Variants in PTK2 observed in about 807,000 individuals in gnomAD.
PTK2 encodes the protein focal adhesion kinase 1.
In PTK2, 45 loss-of-function variants were observed where a neutral mutation model predicts 150.1. The ratio of observed to expected loss-of-function variants is 0.30; its 90% CI spans 0.24 to 0.38. PTK2 has a LOEUF of 0.38. Ranked by LOEUF, PTK2 falls within the 10% of genes least tolerant of loss-of-function variation. The pLI is 1.00. For synonymous variants in PTK2, 432 were observed against 449.2 expected, an observed-to-expected ratio of 0.96 and a Z score of 0.48; for missense variants, 919 against 1,307.3, an observed-to-expected ratio of 0.70 and a Z score of 4.58.
At chr8:140,747,047 C>T (rs371289956) in intron 17 of PTK2, 187 bp from the exon 21 acceptor site, 16 of 492,234 alleles carry the variant, frequency 3.3e-5, no homozygotes, top group African/African-American at 2.0e-4. Flanking sequence ...CCCACCACCA[C>T]GCCCGGCTAA....
At chr8:140,725,993 A>T (rs1168477572) in intron 22 of PTK2, among the ~76,000 whole-genome samples, 1 of 152,214 alleles carries the variant, frequency 6.6e-6, no homozygotes, top group Non-Finnish European at 1.5e-5. Flanking sequence ...AAATTTATTC[A>T]TAATGGATGA....
chr8:140,789,433 A>G (rs767491803), intron 14 of PTK2, 41 bp downstream of exon 14: 2 of 1,601,734 alleles, frequency 1.2e-6, no homozygotes, highest in East Asian at 2.2e-5. Context: ...GTCTTACCCC[A>G]TGAGAGTGCT....
chr8:140,728,935 G>T lies in PTK2; in HGVS notation c.2030+6316C>A, dbSNP rs116025860. Among the ~76,000 whole-genome samples the T allele has an allele frequency of 4.5e-3, 683 of 152,226 alleles. 4 individuals carry two copies. Among genetic ancestry groups the T allele is most frequent in the African/African-American group, 0.016 (646 of 41,544 alleles). On this transcript the variant is annotated intron_variant, in intron 22 of 31. Coordinates refer to ENST00000522684, the Ensembl canonical transcript of PTK2. ...TCTTTTAAACATTCTTTGAAAAATT[G>T]ATACACGCACACATGTCCATTTACT...
intron 2 of PTK2, among the ~76,000 whole-genome samples, chr8:140,906,576 T>C (rs1038468218): frequency 2.6e-5 from 4 of 152,086 alleles, no homozygotes; most frequent in Admixed American, 2.6e-4. Context: ...AAGACAAATA[T>C]GGCATGTTCT....
chr8:140,951,710 C>A (rs1433006067), intron 1 of PTK2, among the ~76,000 whole-genome samples: 3 of 151,954 alleles, frequency 2.0e-5, no homozygotes, highest in Admixed American at 2.0e-4. Context: ...AAGGAAGATT[C>A]ATCTCTACAA....
intron 16 of PTK2, among the ~76,000 whole-genome samples, chr8:140,759,530 T>TAAAAAAAAAAAAAAAAAAAA (rs761643170): frequency 6.9e-5 from 4 of 58,038 alleles, no homozygotes; most frequent in Non-Finnish European, 1.2e-4. Flanking sequence ...GACCCTGTCC[T>TAAAAAAAAAAAAAAAAAAAA]AAAAAAAAAA....
intron 31 of PTK2, among the ~76,000 whole-genome samples, chr8:140,664,705 A>G (rs747221777): frequency 1.2e-4 from 18 of 152,160 alleles, no homozygotes; most frequent in Non-Finnish European, 2.4e-4. Flanking sequence ...CTGGAATTTG[A>G]GTGGCCACTG....
At chr8:140,917,243 T>C (rs2100165622) in intron 2 of PTK2, among the ~76,000 whole-genome samples, 1 of 151,898 alleles carries the variant, frequency 6.6e-6, no homozygotes, top group Admixed American at 6.6e-5. Context: ...ATACAACAAT[T>C]AGCCAGGCTT....
intron 7 of PTK2, among the ~76,000 whole-genome samples, chr8:140,844,051 A>G (rs2100123857): frequency 6.6e-6 from 1 of 152,154 alleles, no homozygotes; most frequent in African/African-American, 2.4e-5. Context: ...CTGGTTAGGT[A>G]CTTTGTAAAA....
intron 31 of PTK2, among the ~76,000 whole-genome samples, chr8:140,660,066 G>A (rs1049755799): frequency 3.3e-5 from 5 of 151,704 alleles, no homozygotes; most frequent in Admixed American, 6.6e-5. Flanking sequence ...ATTATAGTGT[G>A]CCTGTTTGTG....
At position 140,805,528 on chromosome 8, in the gene PTK2, T is replaced by C. The variant is rs114180296; in HGVS notation, c.868-1878A>G. Among the ~76,000 whole-genome samples, 955 of 146,784 alleles carry C rather than the reference T, an allele frequency of 6.5e-3. 6 individuals carry two copies. Among genetic ancestry groups the C allele is most frequent in the African/African-American group, 0.023 (912 of 39,470 alleles). On this transcript the variant is annotated intron_variant, in intron 10 of 31. Coordinates refer to ENST00000522684, the Ensembl canonical transcript of PTK2. ...GAGCTGAGATCATGCCATTACACTC[T>C]GCACAGAGCAAAACTCTGTCTCAAA...
chr8:140,794,498 C>G (rs1465320054), intron 12 of PTK2, among the ~76,000 whole-genome samples: 6 of 152,142 alleles, frequency 3.9e-5, no homozygotes, highest in East Asian at 3.9e-4. Flanking sequence ...AGTTCCCCCC[C>G]ACCCCCATAC....
chr8:140,925,059 T>C (rs972379318), intron 2 of PTK2, among the ~76,000 whole-genome samples: 1 of 152,140 alleles, frequency 6.6e-6, no homozygotes, highest in Non-Finnish European at 1.5e-5. Context: ...TACTTGTAAA[T>C]GTCACCAAAA....
intron 26 of PTK2, among the ~76,000 whole-genome samples, chr8:140,696,955 C>A (rs532516735): frequency 6.6e-6 from 1 of 151,864 alleles, no homozygotes; most frequent in East Asian, 1.9e-4. Context: ...GCCTGGCCAA[C>A]ATGATGAAAC....
intron 7 of PTK2, among the ~76,000 whole-genome samples, chr8:140,834,588 G>A (rs1343505399): frequency 1.3e-5 from 2 of 152,142 alleles, no homozygotes; most frequent in Non-Finnish European, 2.9e-5. Flanking sequence ...CTCCCTCACT[G>A]AGACCATATG....
At chr8:140,813,632 G>T (rs760832795) in intron 10 of PTK2, among the ~76,000 whole-genome samples, 15 of 152,204 alleles carry the variant, frequency 9.9e-5, no homozygotes, top group Non-Finnish European at 1.5e-4. Context: ...GAATCTCTGG[G>T]ACACAGGTAA....
intron 3 of PTK2, among the ~76,000 whole-genome samples, chr8:140,889,805 A>G (rs973823635): frequency 6.6e-5 from 10 of 152,302 alleles, no homozygotes; most frequent in Middle Eastern, 3.4e-3. Context: ...GCTTTCTGAA[A>G]TCACAGTGCT....
chr8:140,730,259 A>T (rs1489690338), intron 22 of PTK2, among the ~76,000 whole-genome samples: 2 of 152,212 alleles, frequency 1.3e-5, no homozygotes. Flanking sequence ...AATATTCTTG[A>T]TAGCCCCAAA....
At chr8:140,923,544 C>T (rs1241922526) in intron 2 of PTK2, among the ~76,000 whole-genome samples, 2 of 152,150 alleles carry the variant, frequency 1.3e-5, no homozygotes, top group African/African-American at 4.8e-5. Context: ...ATATTAAAGA[C>T]AAACTATGCT....
Sources: gnomAD v4.1 joint callset for allele counts (sites outside exome capture counted in the v4.1 genomes callset) on GRCh38, gnomAD v4.1.1 for gene constraint, MANE v1.5 for transcripts, NCBI Gene and HGNC (gene_info 2026-07-23, HGNC 2026-07-21) for gene names.